Variants in R3HDM2 observed in about 807,000 individuals in gnomAD.
R3HDM2 encodes R3H domain-containing protein 2.
Under a neutral mutation model 124.5 loss-of-function variants are expected in R3HDM2, and 38 were observed. That is an observed-to-expected ratio of 0.31 (90% CI 0.24 to 0.40). The LOEUF is 0.40. R3HDM2 is among the 10% of genes least tolerant of loss of function. R3HDM2 has a pLI of 1.00. For missense variants in R3HDM2, 869 were observed against 1,236.9 expected, an observed-to-expected ratio of 0.70 and a Z score of 4.46; for synonymous variants, 391 against 448.0, an observed-to-expected ratio of 0.87 and a Z score of 1.61.
At chr12:57,390,105 G>A (rs867834501) in intron 2 of R3HDM2, among the ~76,000 whole-genome samples, 6 of 151,812 alleles carry the variant, frequency 4.0e-5, no homozygotes, top group Non-Finnish European at 7.4e-5. Flanking sequence ...TTTACAGGTT[G>A]GGGGAGGGGA....
chr12:57,261,176 C>T (rs1055729373), intron 19 of R3HDM2, among the ~76,000 whole-genome samples: 3 of 152,180 alleles, frequency 2.0e-5, no homozygotes, highest in Admixed American at 6.5e-5. Context: ...AATCGCTCAC[C>T]TGCTTCAACA....
intron 11 of R3HDM2, among the ~76,000 whole-genome samples, chr12:57,290,975 C>T (rs746687173): frequency 1.3e-5 from 2 of 151,526 alleles, no homozygotes; most frequent in African/African-American, 4.8e-5. Context: ...TCACTGGCCA[C>T]AGCCATGTAC....
chr12:57,305,020 C>CAA (rs1566058233), intron 3 of R3HDM2, among the ~76,000 whole-genome samples: 7 of 152,062 alleles, frequency 4.6e-5, no homozygotes, highest in African/African-American at 1.7e-4. Context: ...CCTGTCTCTA[C>CAA]TAAAAAATAC....
At chr12:57,393,899 A>G (rs530309558) in intron 2 of R3HDM2, among the ~76,000 whole-genome samples, 1 of 152,346 alleles carries the variant, frequency 6.6e-6, no homozygotes, top group East Asian at 1.9e-4. Flanking sequence ...TAAACCAAAC[A>G]TTCCCAAAAT....
intron 1 of R3HDM2, among the ~76,000 whole-genome samples, chr12:57,419,135 TCTC>T (rs940705181): frequency 4.0e-5 from 6 of 151,504 alleles, no homozygotes; most frequent in Non-Finnish European, 7.4e-5. Flanking sequence ...CCATCCATAT[TCTC>T]CTTTCCTTTT....
chr12:57,407,401 TTTTTTTTC>T (rs892793671), intron 1 of R3HDM2, among the ~76,000 whole-genome samples: 8 of 151,862 alleles, frequency 5.3e-5, no homozygotes, highest in African/African-American at 1.7e-4. Context: ...ATTAAGGAAT[TTTTTTTTC>T]TTTTTTTCTT....
rs1247325856 is a variant in R3HDM2, at chr12:57,296,295, G to C, written c.701+116C>G. Reference sequence around the variant, plus strand: ...GGCCTCCCAAAGTGCTGGGATTACAGGTGTGAGCCACCACGCCTGGCCATC... The same window carrying C: ...GGCCTCCCAAAGTGCTGGGATTACACGTGTGAGCCACCACGCCTGGCCATC... On this transcript the variant is annotated intron_variant, in intron 9 of 23. Transcript: ENST00000402412. The surrounding 1 kb of genome is among the most constrained non-coding windows in gnomAD (Gnocchi z 4.5). The C allele has an allele frequency of 1.6e-6, 2 of 1,230,962 alleles. No individual in the cohort carries two copies. The allele number at this position is 1,230,962 out of a possible 1,614,324, so 76.3% of individuals were successfully genotyped here.
rs1177470318 is a variant in R3HDM2, at chr12:57,268,898, C to T, written c.1875+24G>A. 5.6e-6 allele frequency: 9 copies of T among 1,609,068 alleles called. No homozygotes were observed. In the African/African-American group the frequency reaches 1.2e-4, roughly 22 times the overall value. On this transcript the variant is annotated intron_variant, in intron 17 of 23. Transcript: ENST00000402412. Reference sequence around the variant, plus strand: ...CCTCATGCCAAGGACTGGGGTGATCCTTCCCAATGCAGAATGCACCCACTT... The same window carrying T: ...CCTCATGCCAAGGACTGGGGTGATCTTTCCCAATGCAGAATGCACCCACTT...
chr12:57,357,813 C>T (rs2061465457), intron 2 of R3HDM2, among the ~76,000 whole-genome samples: 1 of 151,924 alleles, frequency 6.6e-6, no homozygotes, highest in South Asian at 2.1e-4. Flanking sequence ...TTCCATTAAG[C>T]ACTTCATTAA....
intron 19 of R3HDM2, among the ~76,000 whole-genome samples, 190 bp downstream of exon 19, chr12:57,266,541 C>T (rs2042465544): frequency 6.6e-6 from 1 of 152,212 alleles, no homozygotes; most frequent in Non-Finnish European, 1.5e-5. Flanking sequence ...GCCCCAGTGT[C>T]ATCTTGAGAG....
At chr12:57,354,972 G>A (rs2061098060) in intron 2 of R3HDM2, among the ~76,000 whole-genome samples, 1 of 151,806 alleles carries the variant, frequency 6.6e-6, no homozygotes, top group Admixed American at 6.6e-5. Context: ...TTACAGGCAT[G>A]TGCCACCATG....
intron 19 of R3HDM2, among the ~76,000 whole-genome samples, chr12:57,266,192 G>C (rs967010330): frequency 2.0e-5 from 3 of 151,344 alleles, no homozygotes; most frequent in African/African-American, 7.3e-5. Flanking sequence ...TGCCTCCCAG[G>C]TTCAAGTGAT....
intron 2 of R3HDM2, among the ~76,000 whole-genome samples, chr12:57,366,701 T>G (rs1005348941): frequency 2.0e-5 from 3 of 152,142 alleles, no homozygotes; most frequent in Non-Finnish European, 2.9e-5. Context: ...GTTGTTTTGT[T>G]TTTTTTGAGA....
In R3HDM2 at chr12:57,356,975, G is replaced by A. The variant is rs188726220; in HGVS notation, c.-36+38774C>T. On this transcript the variant is annotated intron_variant, in intron 2 of 23. Transcript: ENST00000402412. ...ACAAAAATTAGACAGGCGTGGTGGCGGGCTATAGTACCAGCTACTCGGGAG... is the reference window on the plus strand; with the variant it reads ...ACAAAAATTAGACAGGCGTGGTGGCAGGCTATAGTACCAGCTACTCGGGAG... 2.1e-3 allele frequency among the ~76,000 whole-genome samples: 324 copies of A among 151,752 alleles called. 9 individuals are homozygous for A. In the East Asian group the frequency reaches 0.05, roughly 24 times the overall value.
intron 2 of R3HDM2, among the ~76,000 whole-genome samples, chr12:57,359,407 C>G (rs1243884474): frequency 6.6e-6 from 1 of 152,108 alleles, no homozygotes; most frequent in East Asian, 1.9e-4. Flanking sequence ...TCATTAAGTC[C>G]TCTTGAAGAA....
intron 14 of R3HDM2, among the ~76,000 whole-genome samples, chr12:57,272,268 G>A (rs2043747794): frequency 6.6e-6 from 1 of 152,110 alleles, no homozygotes; most frequent in Non-Finnish European, 1.5e-5. Context: ...ATCTTTTGAT[G>A]TGCTGTGATG....
chr12:57,281,287 CAAAA>C (rs71084737), intron 13 of R3HDM2, among the ~76,000 whole-genome samples: 3 of 81,988 alleles, frequency 3.7e-5, no homozygotes, highest in Non-Finnish European at 2.3e-5. Flanking sequence ...GACTCGGTCT[CAAAA>C]AAAAAAAAAA....
chr12:57,343,479 G>A (rs555741359), intron 2 of R3HDM2, among the ~76,000 whole-genome samples: 4 of 152,034 alleles, frequency 2.6e-5, no homozygotes, highest in Admixed American at 2.0e-4. Flanking sequence ...GTGAGCCACC[G>A]AGCCTAGCCT....
At chr12:57,292,816 T>C in intron 10 of R3HDM2, 149 bp from the exon 11 acceptor site, 1 of 631,446 alleles carries the variant, frequency 1.6e-6, no homozygotes, top group South Asian at 2.0e-5. Flanking sequence ...CCTGGAGAAG[T>C]TTCACTGGGT....
Sources: gnomAD v4.1 joint callset for allele counts (sites outside exome capture counted in the v4.1 genomes callset) on GRCh38, gnomAD v4.1.1 for gene constraint, Gnocchi (gnomAD v3.1) non-coding constraint, MANE v1.5 for transcripts, NCBI Gene and HGNC (gene_info 2026-07-23, HGNC 2026-07-21) for gene names.